The following GEMIN2 variants were observed in gnomAD, a reference collection of about 807,000 sequenced individuals.
GEMIN2 encodes the protein gem-associated protein 2.
GEMIN2 carries 37 observed loss-of-function variants against 45.8 expected under a neutral mutation model. The ratio of observed to expected loss-of-function variants is 0.81; its 90% confidence interval spans 0.62 to 1.06. The LOEUF (loss-of-function observed/expected upper bound fraction) is 1.06. Among genes scored for constraint, GEMIN2 ranks in the 50% least tolerant of loss-of-function variants. The pLI, the probability that GEMIN2 is intolerant of heterozygous loss-of-function variation, is 0.00. For missense variants in GEMIN2, 335 were observed against 321.8 expected (o/e 1.04, Z -0.31); for synonymous variants, 101 against 111.5 (o/e 0.91, Z 0.60).
At chr14:39,115,921 CAG>C (rs374477418) in intron 2 of GEMIN2, among the ~76,000 whole-genome samples, 4 of 152,042 alleles carry the variant, frequency 2.6e-5, no homozygotes, top group Admixed American at 6.6e-5. Flanking sequence ...CTGAGGAAGA[CAG>C]AGAGTAAACA....
chr14:39,118,118 CCT>C (rs1320257693), intron 3 of GEMIN2, 30 bp downstream of exon 3: 4 of 1,162,910 alleles, frequency 3.4e-6, no homozygotes, highest in Non-Finnish European at 5.0e-6. Flanking sequence ...TAATTAAGCC[CCT>C]GTTGGATTTA....
intron 4 of GEMIN2, among the ~76,000 whole-genome samples, chr14:39,120,582 T>G (rs1280333088): frequency 6.6e-6 from 1 of 151,914 alleles, no homozygotes; most frequent in Non-Finnish European, 1.5e-5. Context: ...GGTTTAACTT[T>G]GTAGTGGTCT....
chr14:39,130,466 A>C (rs1414015999), intron 7 of GEMIN2, among the ~76,000 whole-genome samples: 2 of 152,232 alleles, frequency 1.3e-5, no homozygotes, highest in African/African-American at 4.8e-5. Context: ...CTTGATGAAT[A>C]TACATACCCT....
chr14:39,116,826 CT>C (rs1373364500), intron 2 of GEMIN2, among the ~76,000 whole-genome samples: 1 of 152,166 alleles, frequency 6.6e-6, no homozygotes, highest in African/African-American at 2.4e-5. Flanking sequence ...TCATAGCTCA[CT>C]GCAGCCTCGA....
chr14:39,125,181 A>T (rs2139345262), intron 6 of GEMIN2, 145 bp downstream of exon 6: 1 of 540,806 alleles, frequency 1.8e-6, no homozygotes. Context: ...TCCTTACTAC[A>T]ACCCTCTATG....
chr14:39,132,158 G>C, intron 8 of GEMIN2, 90 bp downstream of exon 8: 1 of 709,324 alleles, frequency 1.4e-6, no homozygotes. Context: ...AAAACACATG[G>C]AATATTTTAT....
At chr14:39,122,800 AGTT>A (rs1332397684) in intron 5 of GEMIN2, 17 of 303,134 alleles carry the variant, frequency 5.6e-5, no homozygotes, top group Admixed American at 1.5e-4. Flanking sequence ...ACCCAGACTT[AGTT>A]TATTAGCTCT....
chr14:39,122,588 G>A (rs769573832), intron 5 of GEMIN2, 45 bp downstream of exon 5: 1 of 1,026,468 alleles, frequency 9.7e-7, no homozygotes, highest in Non-Finnish European at 1.5e-6. Flanking sequence ...TTTTAATTTT[G>A]GTGCACCACT....
rs551895058 is a variant in GEMIN2, at chr14:39,126,993, G to A, written c.532-1287G>A. Reference sequence around the variant, plus strand: ...TTGGCCAGGATGGTCTTTGTCTCCCGACCTTGTGATCCACCCGCCTCAGCC... The same window carrying A: ...TTGGCCAGGATGGTCTTTGTCTCCCAACCTTGTGATCCACCCGCCTCAGCC... On this transcript the variant is annotated intron_variant, in intron 6 of 9. Coordinates refer to ENST00000308317, the MANE Select transcript of GEMIN2 (RefSeq NM_003616.3). Among the ~76,000 whole-genome samples the A allele has an allele frequency of 3.9e-5, 6 of 152,006 alleles. 1 individual carries two copies. The East Asian group carries it at 5.8e-4, about 15-fold the overall frequency.
At position 39,125,975 on chromosome 14, in the gene GEMIN2, G is replaced by A. The variant is rs576535471; in HGVS notation, c.531+939G>A. 2.4e-3 allele frequency among the ~76,000 whole-genome samples: 359 copies of A among 151,414 alleles called. 3 individuals carry two copies. Among genetic ancestry groups the A allele is most frequent in the African/African-American group, 8.0e-3 (332 of 41,308 alleles). On this transcript the variant is annotated intron_variant, in intron 6 of 9. Transcript: ENST00000308317. ...GCAGAGGTTGCAGTGAGCCGAGATC[G>A]TGCCATTGCACTCCAGCCTGGGCGA...
chr14:39,136,257 G>A (rs2052779905), intron 9 of GEMIN2, among the ~76,000 whole-genome samples, 183 bp from the exon 10 acceptor site: 1 of 151,970 alleles, frequency 6.6e-6, no homozygotes. Context: ...TACTTTAGCA[G>A]TATAAATATT....
At position 39,133,646 on chromosome 14, in the gene GEMIN2, T is replaced by G; in HGVS notation, c.712-15T>G. On this transcript the variant is annotated splice_polypyrimidine_tract_variant and intron_variant, in intron 8 of 9. Transcript: ENST00000308317. ...GGAACAGACAATATTTAAATTTTTC[T>G]TTTTTTTTTTTTAGGATAGCAAAGA... 1 of 238,218 alleles carries G rather than the reference T, an allele frequency of 4.2e-6. No homozygotes were observed. Among genetic ancestry groups the G allele is most frequent in the Non-Finnish European group, 6.8e-6 (1 of 146,170 alleles). 14.8% of individuals were successfully genotyped at this position (238,218 alleles called of 1,614,324 possible). A position where few individuals can be genotyped will look rare whatever the true frequency, so the allele number is the denominator to read the frequency against.
At chr14:39,132,138 G>A in intron 8 of GEMIN2, 70 bp downstream of exon 8, 1 of 761,444 alleles carries the variant, frequency 1.3e-6, no homozygotes, top group East Asian at 2.5e-5. Flanking sequence ...AAGGAGTTCA[G>A]TGAAATAGGA....
In GEMIN2 at chr14:39,132,045, T is replaced by G; in HGVS notation, c.688T>G (p.Cys230Gly). 1 of 1,568,308 alleles carries G rather than the reference T, an allele frequency of 6.4e-7. No homozygotes were observed. The highest frequency in any genetic ancestry group is 8.8e-7 in the Non-Finnish European group (1 of 1,138,510). The change falls in exon 8 of 10, where the codon TGC (cysteine) becomes GGC (glycine). Residue 230 changes from cysteine (C) to glycine (G), a missense_variant. Cys to Gly is a radical substitution (Grantham distance 159, BLOSUM62 -3). Coordinates refer to ENST00000308317, the MANE Select transcript of GEMIN2 (RefSeq NM_003616.3). Reference protein sequence around the residue: ...HSLIRQLARRCSEVRLLVDSK... With the variant: ...HSLIRQLARRGSEVRLLVDSK... ...ACTGATTCGGCAGCTTGCAAGAAGG[T>G]GCTCTGAAGTGAGGCTCTTAGTGGT...
chr14:39,129,316 CA>C (rs1161978317), intron 7 of GEMIN2, among the ~76,000 whole-genome samples: 2 of 152,074 alleles, frequency 1.3e-5, no homozygotes, highest in Non-Finnish European at 2.9e-5. Context: ...CATCCAGGGT[CA>C]AAAATCACCT....
Position 39,114,614 on chromosome 14 carries a change from G to A in GEMIN2, c.137+139G>A, listed in dbSNP as rs1374081462. On this transcript the variant is annotated intron_variant, in intron 1 of 9. Coordinates refer to ENST00000308317, the MANE Select transcript of GEMIN2 (RefSeq NM_003616.3). ...CTGGATTACATCCTAACGTGGGCGA[G>A]TTTCTGTTGAACGTGATTGCACGTA... The A allele has an allele frequency of 5.8e-6, 4 of 692,636 alleles. No individual in the cohort carries two copies. The East Asian group carries it at 1.1e-4, about 19-fold the overall frequency. 42.9% of individuals were successfully genotyped at this position (692,636 alleles called of 1,614,324 possible). A position where few individuals can be genotyped will look rare whatever the true frequency, so the allele number is the denominator to read the frequency against.
intron 7 of GEMIN2, among the ~76,000 whole-genome samples, chr14:39,129,068 T>C (rs530768418): frequency 1.3e-5 from 2 of 152,252 alleles, no homozygotes; most frequent in Admixed American, 1.3e-4. Flanking sequence ...CAGTGAGCCA[T>C]GATTGTGCCA....
At chr14:39,133,779 ATTTAT>A in intron 9 of GEMIN2, 60 bp downstream of exon 9, 1 of 919,474 alleles carries the variant, frequency 1.1e-6, no homozygotes, top group East Asian at 2.8e-5. Flanking sequence ...GTTAGATCGT[ATTTAT>A]TACATTTGGT....
At chr14:39,127,757 G>A (rs1269930476) in intron 6 of GEMIN2, among the ~76,000 whole-genome samples, 1 of 152,094 alleles carries the variant, frequency 6.6e-6, no homozygotes, top group Non-Finnish European at 1.5e-5. Context: ...ATTTGAAAGT[G>A]TGAAAATATT....
Sources: allele counts gnomAD v4.1 joint callset (sites outside exome capture counted in the v4.1 genomes callset), GRCh38; gene constraint gnomAD v4.1.1; transcripts MANE v1.5; gene names NCBI Gene and HGNC (gene_info 2026-07-23, HGNC 2026-07-21).